Variants in SEL1L2 observed in about 807,000 individuals in gnomAD.
SEL1L2 encodes SEL1L2 adaptor subunit of SYVN1 ubiquitin ligase, also known as protein sel-1 homolog 2.
Under a neutral mutation model 98.8 loss-of-function variants are expected in SEL1L2, and 89 were observed. That is an observed-to-expected ratio of 0.90 (90% confidence interval 0.76 to 1.07). SEL1L2 has a LOEUF of 1.07. Among genes scored for constraint, SEL1L2 ranks in the 50% least tolerant of loss-of-function variants. The pLI, the probability that SEL1L2 is intolerant of heterozygous loss-of-function variation, is 0.00. For synonymous variants in SEL1L2, 262 were observed against 278.5 expected (o/e 0.94, Z 0.59); for missense variants, 788 against 812.0 (o/e 0.97, Z 0.36).
chr20:13,851,716 C>T (rs1988291669), intron 18 of SEL1L2, among the ~76,000 whole-genome samples: 1 of 152,056 alleles, frequency 6.6e-6, no homozygotes, highest in Admixed American at 6.5e-5. Flanking sequence ...TGCTTGGGTG[C>T]CCATGGGCTA....
At chr20:13,912,597 C>T (rs1008379173) in intron 5 of SEL1L2, among the ~76,000 whole-genome samples, 1 of 152,026 alleles carries the variant, frequency 6.6e-6, no homozygotes, top group African/African-American at 2.4e-5. Context: ...GCACCTGGCC[C>T]AATTTTTTCT....
In SEL1L2 at chr20:13,913,954, G is replaced by T; in HGVS notation, c.387-10C>A. On this transcript the variant is annotated splice_polypyrimidine_tract_variant and intron_variant, in intron 4 of 19. Coordinates refer to ENST00000284951, the MANE Select transcript of SEL1L2 (RefSeq NM_025229.2). Reference sequence around the variant, plus strand: ...AAAAAGTAGGTAGGCTCTGTTTCAAGAATATAAAGTCAAGTTTGATTTTCA... The same window carrying T: ...AAAAAGTAGGTAGGCTCTGTTTCAATAATATAAAGTCAAGTTTGATTTTCA... The T allele has an allele frequency of 6.5e-7, 1 of 1,550,378 alleles. No homozygotes were observed. The highest frequency in any genetic ancestry group is 1.3e-5 in the South Asian group (1 of 78,080).
intron 17 of SEL1L2, among the ~76,000 whole-genome samples, chr20:13,859,682 T>G (rs947536089): frequency 6.6e-6 from 1 of 152,120 alleles, no homozygotes; most frequent in Admixed American, 6.5e-5. Flanking sequence ...GTATGCATGT[T>G]TTGTTGTTGT....
At chr20:13,943,055 C>A (rs1327812366) in intron 2 of SEL1L2, among the ~76,000 whole-genome samples, 1 of 152,122 alleles carries the variant, frequency 6.6e-6, no homozygotes, top group Non-Finnish European at 1.5e-5. Context: ...GAATAATTAT[C>A]CCTTGTAGAG....
At chr20:13,875,044 A>G (rs905094986) in intron 12 of SEL1L2, among the ~76,000 whole-genome samples, 1 of 152,146 alleles carries the variant, frequency 6.6e-6, no homozygotes, top group Non-Finnish European at 1.5e-5. Flanking sequence ...AGAGGCAAAG[A>G]CTTCGATGCA....
chr20:13,861,687 T>C (rs930223932), intron 17 of SEL1L2, among the ~76,000 whole-genome samples: 1 of 152,160 alleles, frequency 6.6e-6, no homozygotes, highest in Non-Finnish European at 1.5e-5. Flanking sequence ...AATCAAGTTA[T>C]GTTATTTCCT....
At chr20:13,931,547 A>G (rs1042487222) in intron 3 of SEL1L2, 56 bp downstream of exon 3, 9 of 1,075,782 alleles carry the variant, frequency 8.4e-6, no homozygotes, top group Non-Finnish European at 1.1e-5. Flanking sequence ...CTAAAATTTG[A>G]TTTTATATTG....
chr20:13,909,883 A>C (rs138688358), intron 5 of SEL1L2, among the ~76,000 whole-genome samples: 1 of 152,162 alleles, frequency 6.6e-6, no homozygotes, highest in Admixed American at 6.5e-5. Flanking sequence ...AAGCAGGAGA[A>C]TCTCTTGAAC....
At position 13,947,452 on chromosome 20, in the gene SEL1L2, T is replaced by A. The variant is rs558955975; in HGVS notation, c.114+8624A>T. Among the ~76,000 whole-genome samples, 4 of 152,198 alleles carry A rather than the reference T, an allele frequency of 2.6e-5. 1 individual carries two copies. In the South Asian group the frequency reaches 8.3e-4, roughly 32 times the overall value. ...TGCCTGCGGAAAGGAGCTACCCACT[T>A]TGGGTCTCCTGAAAGCTGTACTGTC... On this transcript the variant is annotated intron_variant, in intron 2 of 19. Transcript: ENST00000284951.
chr20:13,963,576 C>T (rs898516004), intron 1 of SEL1L2, among the ~76,000 whole-genome samples: 4 of 151,628 alleles, frequency 2.6e-5, no homozygotes, highest in Middle Eastern at 3.4e-3. Context: ...ATTAGGCAGG[C>T]GTAGTGGCAT....
At position 13,887,760 on chromosome 20, in the gene SEL1L2, A is replaced by T. The variant is rs376824688; in HGVS notation, c.745+9T>A. 20 of 1,544,194 alleles carry T rather than the reference A, an allele frequency of 1.3e-5. No homozygotes were observed. The African/African-American group carries it at 2.6e-4, about 20-fold the overall frequency. On this transcript the variant is annotated intron_variant, in intron 8 of 19. Transcript: ENST00000284951. The stretch of plus-strand genomic sequence containing the variant: ...GTTTATTTTAAAATAAATTATGTGG[A>T]TTACTTACTATAATCTGCCACTTTC...
At chr20:13,989,678 G>A (rs1261922754) in intron 1 of SEL1L2, among the ~76,000 whole-genome samples, 1 of 152,102 alleles carries the variant, frequency 6.6e-6, no homozygotes, top group Non-Finnish European at 1.5e-5. Context: ...AAAGCCTGTT[G>A]AATTTTGTCA....
At chr20:13,900,404 C>T (rs973397315) in intron 5 of SEL1L2, among the ~76,000 whole-genome samples, 1 of 152,048 alleles carries the variant, frequency 6.6e-6, no homozygotes, top group African/African-American at 2.4e-5. Flanking sequence ...CTCAGGGGCC[C>T]TGGGTTTTCT....
chr20:13,850,371 C>CAG, intron 18 of SEL1L2, 52 bp from the exon 19 acceptor site: 1 of 1,589,074 alleles, frequency 6.3e-7, no homozygotes, highest in Admixed American at 1.7e-5. Flanking sequence ...GGTAAGTAAA[C>CAG]AGACACCATT....
rs777995796 is a variant in SEL1L2 at position 13,865,231 on chromosome 20, G to C, written c.1581C>G (p.Asn527Lys). Reference sequence around the variant, plus strand: ...GATACATCTTCTCTTTTTCAAGAATGTTAGCCTTTTCTAAAAAGAGGAGAC... The same window carrying C: ...GATACATCTTCTCTTTTTCAAGAATCTTAGCCTTTTCTAAAAAGAGGAGAC... ...SAFILESKKA[N>K]ILEKEKMYPM... Residue 527 changes from asparagine (N) to lysine (K), a missense_variant, in exon 17 of 20, where the codon AAC (asparagine) becomes AAG (lysine). By Grantham distance (94) the Asn-to-Lys change is moderately conservative (BLOSUM62 0). Transcript: ENST00000284951. 12 of 1,613,520 alleles carry C rather than the reference G, an allele frequency of 7.4e-6. No individual in the cohort carries two copies. The highest frequency in any genetic ancestry group is 9.3e-6 in the Non-Finnish European group (11 of 1,179,536).
At chr20:13,889,691 T>G (rs970771751) in intron 5 of SEL1L2, among the ~76,000 whole-genome samples, 1 of 151,978 alleles carries the variant, frequency 6.6e-6, no homozygotes, top group Non-Finnish European at 1.5e-5. Context: ...CTCGGGAGGC[T>G]GAGGCAGGAG....
chr20:13,855,377 A>T (rs891014259), intron 18 of SEL1L2, among the ~76,000 whole-genome samples: 1 of 151,102 alleles, frequency 6.6e-6, no homozygotes, highest in Non-Finnish European at 1.5e-5. Context: ...TTTTATTTGT[A>T]TGTTTGCTTG....
chr20:13,879,518 C>T (rs955802769), intron 10 of SEL1L2, among the ~76,000 whole-genome samples: 5 of 151,850 alleles, frequency 3.3e-5, no homozygotes, highest in African/African-American at 9.7e-5. Context: ...ACAACTGGCT[C>T]ATTTTTGTAT....
At chr20:13,982,225 A>T (rs1332592777) in intron 1 of SEL1L2, among the ~76,000 whole-genome samples, 1 of 152,138 alleles carries the variant, frequency 6.6e-6, no homozygotes, top group Non-Finnish European at 1.5e-5. Context: ...AAAGAAATAG[A>T]TGGGGCCAGC....
Sources: allele counts gnomAD v4.1 joint callset (sites outside exome capture counted in the v4.1 genomes callset), GRCh38; gene constraint gnomAD v4.1.1; transcripts MANE v1.5; gene names NCBI Gene and HGNC (gene_info 2026-07-23, HGNC 2026-07-21).